The following STXBP6 variants were observed in gnomAD, a reference collection of about 807,000 sequenced individuals.
STXBP6 encodes syntaxin-binding protein 6.
In STXBP6, 21 loss-of-function variants were observed where a neutral mutation model predicts 26.9. The observed-to-expected ratio is 0.78, with a 90% CI of 0.55 to 1.12. The LOEUF (loss-of-function observed/expected upper bound fraction) is 1.12, where lower values mean the gene tolerates loss of function less well. Among genes scored for constraint, STXBP6 ranks in the 50% most tolerant of loss-of-function variants. The pLI is 0.00. For missense variants in STXBP6, 232 were observed against 257.9 expected (o/e 0.90, Z 0.69); for synonymous variants, 97 against 92.6 (o/e 1.05, Z -0.27).
chr14:25,022,435 G>A (rs1163251284), intron 1 of STXBP6, among the ~76,000 whole-genome samples: 2 of 152,102 alleles, frequency 1.3e-5, no homozygotes, highest in South Asian at 4.1e-4. Context: ...CAACCATTAC[G>A]GCCAGGTAAG....
rs540377937 is a variant in STXBP6, at chr14:24,833,212, A to C, written c.452-14018T>G. ...CCAAGGATATGAGCATGGCACCTGCACACTCCTTTCCTCTGCCTGATGTCT... is the reference window on the plus strand; with the variant it reads ...CCAAGGATATGAGCATGGCACCTGCCCACTCCTTTCCTCTGCCTGATGTCT... On this transcript the variant is annotated intron_variant, in intron 4 of 5. Coordinates refer to ENST00000323944, the MANE Select transcript of STXBP6 (RefSeq NM_001394410.1). Among the ~76,000 whole-genome samples, 19 of 152,292 alleles carry C rather than the reference A, an allele frequency of 1.2e-4. No homozygotes were observed. The South Asian group carries it at 3.3e-3, about 27-fold the overall frequency.
intron 2 of STXBP6, among the ~76,000 whole-genome samples, chr14:24,893,406 A>C (rs2070863067): frequency 6.6e-6 from 1 of 152,234 alleles, no homozygotes; most frequent in Non-Finnish European, 1.5e-5. Context: ...GCTCTAGACC[A>C]CACAGCTAAG....
rs558787889 is a variant in STXBP6 at position 25,023,915 on chromosome 14, G to A, written c.-33+25963C>T. Reference sequence around the variant, plus strand: ...TGGGAGGTCGATAGGGCACATATTTGGCAATATAAGAAATCACTGATTATA... The same window carrying A: ...TGGGAGGTCGATAGGGCACATATTTAGCAATATAAGAAATCACTGATTATA... On this transcript the variant is annotated intron_variant, in intron 1 of 5. Transcript: ENST00000323944. Among the ~76,000 whole-genome samples, 21 of 152,174 alleles carry A rather than the reference G, an allele frequency of 1.4e-4. No individual in the cohort carries two copies. In the East Asian group the frequency reaches 3.3e-3, roughly 24 times the overall value.
At chr14:24,837,205 C>T (rs2068644995) in intron 4 of STXBP6, among the ~76,000 whole-genome samples, 1 of 152,038 alleles carries the variant, frequency 6.6e-6, no homozygotes, top group Non-Finnish European at 1.5e-5. Context: ...AGGACAAATT[C>T]CTAAGTTCTG....
At chr14:25,042,461 G>A (rs1484755281) in intron 1 of STXBP6, among the ~76,000 whole-genome samples, 1 of 152,178 alleles carries the variant, frequency 6.6e-6, no homozygotes. Context: ...TTGTGGGCAG[G>A]AGAAGGTCAA....
At chr14:24,821,574 G>C (rs1398251999) in intron 4 of STXBP6, among the ~76,000 whole-genome samples, 1 of 152,142 alleles carries the variant, frequency 6.6e-6, no homozygotes, top group Non-Finnish European at 1.5e-5. Context: ...GGATGAATTC[G>C]AACAAATTTC....
At chr14:24,926,151 T>A (rs2072157507) in intron 2 of STXBP6, among the ~76,000 whole-genome samples, 1 of 152,158 alleles carries the variant, frequency 6.6e-6, no homozygotes, top group African/African-American at 2.4e-5. Flanking sequence ...TCTTACCACC[T>A]TTCTTTCCTG....
At chr14:24,931,134 A>AACAAAAAAACAAAAAC (rs71121807) in intron 2 of STXBP6, among the ~76,000 whole-genome samples, 14,772 of 117,272 alleles carry the variant, frequency 0.13, 1,457 homozygotes, top group East Asian at 0.14. Flanking sequence ...AAAAAAAAAA[A>AACAAAAAAACAAAAAC]AAAAAAAACC....
Position 24,987,390 on chromosome 14 carries a change from T to A in STXBP6, c.-32-12540A>T, listed in dbSNP as rs75114868. ...CTGCATCTTCACCTTTAAAGTAGGA[T>A]AGTACCACCCACTTCCTAGGACTGT... is the stretch of plus-strand genomic sequence containing the variant. On this transcript the variant is annotated intron_variant, in intron 1 of 5. Coordinates refer to ENST00000323944, the MANE Select transcript of STXBP6 (RefSeq NM_001394410.1). Among the ~76,000 whole-genome samples, 571 of 152,342 alleles carry A rather than the reference T, an allele frequency of 3.7e-3. 2 individuals carry two copies. The highest frequency in any genetic ancestry group is 0.013 in the African/African-American group (552 of 41,588).
intron 2 of STXBP6, among the ~76,000 whole-genome samples, chr14:24,863,033 C>T (rs1395832285): frequency 1.3e-5 from 2 of 151,990 alleles, no homozygotes; most frequent in East Asian, 3.9e-4. Flanking sequence ...TAATTTTAAA[C>T]CTTCTTTATT....
intron 2 of STXBP6, among the ~76,000 whole-genome samples, chr14:24,973,893 A>T (rs755779960): frequency 1.3e-5 from 2 of 152,218 alleles, no homozygotes; most frequent in East Asian, 3.8e-4. Flanking sequence ...CAATTGAAGG[A>T]AAGTTTTTAA....
intron 2 of STXBP6, among the ~76,000 whole-genome samples, chr14:24,908,470 A>G (rs2071458821): frequency 6.6e-6 from 1 of 152,234 alleles, no homozygotes; most frequent in African/African-American, 2.4e-5. Context: ...CAATGTGTAT[A>G]GAAGCTCCAG....
chr14:24,884,662 A>C (rs1303336085), intron 2 of STXBP6, among the ~76,000 whole-genome samples: 1 of 152,200 alleles, frequency 6.6e-6, no homozygotes, highest in African/African-American at 2.4e-5. Context: ...CTTTGCACCA[A>C]AGTAGTTCTC....
At position 25,037,775 on chromosome 14, in the gene STXBP6, A is replaced by G. The variant is rs560378245; in HGVS notation, c.-33+12103T>C. ...GCAATACTTTTTAAGGTGGTTTACT[A>G]TCTTCCAGAGGGACTTCTACAAAAG... is the stretch of plus-strand genomic sequence containing the variant. On this transcript the variant is annotated intron_variant, in intron 1 of 5. Transcript: ENST00000323944. 5.9e-5 allele frequency among the ~76,000 whole-genome samples: 9 copies of G among 152,350 alleles called. 1 individual carries two copies. The South Asian group carries it at 1.7e-3, about 28-fold the overall frequency.
At chr14:24,831,836 T>C (rs11626846) in intron 4 of STXBP6, among the ~76,000 whole-genome samples, 248 of 152,172 alleles carry the variant, frequency 1.6e-3, no homozygotes, top group African/African-American at 5.6e-3. Flanking sequence ...CACACCCCCA[T>C]TGTTTGAGAT....
At chr14:24,875,392 A>G (rs115846738) in intron 2 of STXBP6, among the ~76,000 whole-genome samples, 247 of 152,346 alleles carry the variant, frequency 1.6e-3, no homozygotes, top group African/African-American at 5.7e-3. Flanking sequence ...ATAAAAGCTG[A>G]AAATGTATAA....
chr14:24,901,811 A>T (rs1050598623), intron 2 of STXBP6, among the ~76,000 whole-genome samples: 6 of 151,614 alleles, frequency 4.0e-5, no homozygotes. Context: ...GAACAGGCAT[A>T]ACTATGGTGA....
At chr14:25,023,500 T>A (rs997978754) in intron 1 of STXBP6, among the ~76,000 whole-genome samples, 1 of 152,170 alleles carries the variant, frequency 6.6e-6, no homozygotes, top group African/African-American at 2.4e-5. Flanking sequence ...GGGGAGAGGC[T>A]GTCAAGGGAC....
At chr14:24,898,004 T>C (rs1406624149) in intron 2 of STXBP6, among the ~76,000 whole-genome samples, 8 of 152,214 alleles carry the variant, frequency 5.3e-5, no homozygotes, top group Non-Finnish European at 1.0e-4. Context: ...GGTTGTTTCA[T>C]CTTTGCATAG....
Sources: allele counts gnomAD v4.1 joint callset (sites outside exome capture counted in the v4.1 genomes callset), GRCh38; gene constraint gnomAD v4.1.1; transcripts MANE v1.5; gene names NCBI Gene and HGNC (gene_info 2026-07-23, HGNC 2026-07-21).